The following KIAA2012 variants were observed in gnomAD, a reference collection of about 807,000 sequenced individuals.
KIAA2012 encodes the protein KIAA2012.
Under a neutral mutation model 150.6 loss-of-function variants are expected in KIAA2012, and 125 were observed. That is an observed-to-expected ratio of 0.83 (90% confidence interval 0.72 to 0.96). KIAA2012 has a LOEUF of 0.96. Among genes scored for constraint, KIAA2012 ranks in the 40% least tolerant of loss-of-function variants. KIAA2012 has a pLI of 0.00. For synonymous variants in KIAA2012, 462 were observed against 504.7 expected (o/e 0.92, Z 1.13); for missense variants, 1,219 against 1,354.9 (o/e 0.90, Z 1.57).
At chr2:202,110,336 C>A (rs1690313705) in intron 10 of KIAA2012, among the ~76,000 whole-genome samples, 1 of 152,186 alleles carries the variant, frequency 6.6e-6, no homozygotes, top group African/African-American at 2.4e-5. Context: ...GACTAAGATG[C>A]TTATACAGAG....
chr2:202,175,554 A>G (rs1335783360), intron 15 of KIAA2012, among the ~76,000 whole-genome samples: 1 of 152,254 alleles, frequency 6.6e-6, no homozygotes, highest in Non-Finnish European at 1.5e-5. Context: ...AAGAGGCCCC[A>G]GAGAGCTATC....
intron 7 of KIAA2012, 59 bp downstream of exon 7, chr2:202,100,508 A>C (rs1690016769): frequency 1.9e-5 from 28 of 1,480,876 alleles, no homozygotes; most frequent in Non-Finnish European, 2.4e-5. Context: ...GAAGAGAGAA[A>C]GTTTAATCCT....
intron 22 of KIAA2012, chr2:202,201,775 C>T: frequency 7.6e-7 from 1 of 1,315,420 alleles, no homozygotes; most frequent in Non-Finnish European, 1.1e-6. Context: ...GCAGTCGGAG[C>T]ATCAGTATAG....
intron 15 of KIAA2012, among the ~76,000 whole-genome samples, chr2:202,171,255 C>T (rs1249482933): frequency 6.6e-6 from 1 of 152,056 alleles, no homozygotes; most frequent in African/African-American, 2.4e-5. Flanking sequence ...TGAAAAGATT[C>T]TTCAAGCAGT....
intron 10 of KIAA2012, among the ~76,000 whole-genome samples, chr2:202,110,575 CAT>C (rs1278448993): frequency 2.0e-5 from 3 of 152,192 alleles, no homozygotes. Context: ...AAGGAGATGA[CAT>C]GTGTTTGGGG....
rs1215028048 is a variant in KIAA2012 at position 202,194,307 on chromosome 2, G to A, written c.3132G>A (p.Arg1044=). Residue 1044 remains arginine (R), a synonymous_variant, in exon 21 of 24, where the codon CGG becomes CGA. Transcript: ENST00000498697. The part of the protein sequence containing the change: ...ERARQQQEEF[R]RKLRELQRKK... ...CCCGGCAACAGCAAGAGGAGTTTCG[G>A]AGGAAACTGCGAGAACTACAGAGAA... 3.9e-6 allele frequency: 6 copies of A among 1,550,420 alleles called. No individual in the cohort carries two copies. The highest frequency in any genetic ancestry group is 2.4e-5 in the South Asian group (2 of 84,064).
intron 14 of KIAA2012, among the ~76,000 whole-genome samples, chr2:202,156,230 G>A (rs939483631): frequency 1.3e-5 from 2 of 151,508 alleles, no homozygotes; most frequent in Non-Finnish European, 3.0e-5. Context: ...CTACAAGAAA[G>A]AAGAATGATT....
chr2:202,073,861 A>C, intron 1 of KIAA2012, 150 bp downstream of exon 1: 1 of 636,258 alleles, frequency 1.6e-6, no homozygotes, highest in South Asian at 2.1e-5. Context: ...CCTTCATGAA[A>C]CTCAAGAAAA....
chr2:202,179,400 T>TG, intron 15 of KIAA2012: 1 of 769,030 alleles, frequency 1.3e-6, no homozygotes, highest in Non-Finnish European at 2.3e-6. Context: ...GCCCTGTCAG[T>TG]GGGAATTAAA....
chr2:202,085,579 G>A (rs1039329655), intron 2 of KIAA2012, among the ~76,000 whole-genome samples: 5 of 152,150 alleles, frequency 3.3e-5, no homozygotes, highest in Admixed American at 2.0e-4. Context: ...GCCTATAGAA[G>A]GAACTCAGGC....
chr2:202,117,758 A>G (rs1690562076), intron 11 of KIAA2012, among the ~76,000 whole-genome samples: 3 of 152,228 alleles, frequency 2.0e-5, no homozygotes. Flanking sequence ...GGCCAGATAC[A>G]TTTGGAAACC....
intron 2 of KIAA2012, among the ~76,000 whole-genome samples, chr2:202,081,211 C>T (rs12693956): frequency 0.47 from 71,691 of 152,046 alleles, 18,024 homozygotes; most frequent in Non-Finnish European, 0.56. Flanking sequence ...GTAATAGTCC[C>T]TTGTATGTAT....
At chr2:202,111,283 T>G (rs943310127) in intron 10 of KIAA2012, among the ~76,000 whole-genome samples, 1 of 145,260 alleles carries the variant, frequency 6.9e-6, no homozygotes, top group Non-Finnish European at 1.5e-5. Flanking sequence ...GATCACAAGG[T>G]CAGGAGTTCA....
At chr2:202,157,845 C>T (rs1193355303) in intron 14 of KIAA2012, among the ~76,000 whole-genome samples, 1 of 152,164 alleles carries the variant, frequency 6.6e-6, no homozygotes, top group Non-Finnish European at 1.5e-5. Context: ...TCCAGCACTC[C>T]TTCTAGAAAA....
chr2:202,171,404 G>C (rs1423833122), intron 15 of KIAA2012, among the ~76,000 whole-genome samples: 1 of 152,210 alleles, frequency 6.6e-6, no homozygotes, highest in Non-Finnish European at 1.5e-5. Context: ...GGCCTGCCGC[G>C]TTTATGGCTT....
intron 9 of KIAA2012, 51 bp from the exon 10 acceptor site, chr2:202,109,562 C>A (rs1161763474): frequency 5.5e-6 from 8 of 1,449,398 alleles, no homozygotes; most frequent in Non-Finnish European, 7.3e-6. Flanking sequence ...CCTTCTCCTT[C>A]CTGCTGATTC....
At chr2:202,120,198 C>A (rs757969563) in intron 11 of KIAA2012, among the ~76,000 whole-genome samples, 1 of 152,136 alleles carries the variant, frequency 6.6e-6, no homozygotes, top group African/African-American at 2.4e-5. Flanking sequence ...CAACATAGTG[C>A]GATCCCGTCT....
chr2:202,083,473 G>C (rs575541232), intron 2 of KIAA2012, among the ~76,000 whole-genome samples: 2 of 147,526 alleles, frequency 1.4e-5, no homozygotes, highest in South Asian at 2.3e-4. Flanking sequence ...ATCAGTCACC[G>C]TGTTCTAAGA....
chr2:202,086,581 C>G (rs2105912562), intron 2 of KIAA2012, among the ~76,000 whole-genome samples: 1 of 152,286 alleles, frequency 6.6e-6, no homozygotes, highest in South Asian at 2.1e-4. Flanking sequence ...GACTGAATTT[C>G]TAGGCTGTTT....
Sources: allele counts gnomAD v4.1 joint callset (sites outside exome capture counted in the v4.1 genomes callset), GRCh38; gene constraint gnomAD v4.1.1; transcripts MANE v1.5; gene names NCBI Gene and HGNC (gene_info 2026-07-23, HGNC 2026-07-21).